The following GPD2 variants were observed in gnomAD, a reference collection of about 807,000 sequenced individuals.
GPD2 encodes glycerol-3-phosphate dehydrogenase 2, also known as glycerol-3-phosphate dehydrogenase, mitochondrial.
GPD2 carries 54 observed loss-of-function variants against 82.4 expected under a neutral mutation model. The observed-to-expected ratio is 0.66, with a 90% CI of 0.53 to 0.82. GPD2 has a LOEUF of 0.82. Ranked by LOEUF, GPD2 falls within the 40% of genes least tolerant of loss-of-function variation. GPD2 has a pLI of 0.00. For synonymous variants in GPD2, 288 were observed against 306.1 expected (o/e 0.94, Z 0.62); for missense variants, 748 against 896.2 (o/e 0.83, Z 2.11).
At position 156,558,962 on chromosome 2, in the gene GPD2, C is replaced by A. The variant is rs114428260; in HGVS notation, c.1165+1380C>A. ...CTTGTCTTTGCATGTTTATATTCAA[C>A]TACTCCCCATCCCTGCATTCTGTGG... On this transcript the variant is annotated intron_variant, in intron 9 of 16. Coordinates refer to ENST00000438166, the MANE Select transcript of GPD2 (RefSeq NM_000408.5). Among the ~76,000 whole-genome samples the A allele has an allele frequency of 4.0e-3, 604 of 151,898 alleles. 6 individuals are homozygous for A. The highest frequency in any genetic ancestry group is 0.014 in the African/African-American group (582 of 41,434).
chr2:156,497,478 A>T (rs1300883702), intron 3 of GPD2, among the ~76,000 whole-genome samples: 1 of 152,228 alleles, frequency 6.6e-6, no homozygotes, highest in East Asian at 1.9e-4. Flanking sequence ...TTTGGTTGCT[A>T]TATAAAGTTC....
intron 6 of GPD2, 145 bp downstream of exon 6, chr2:156,513,641 C>T: frequency 1.4e-6 from 1 of 692,902 alleles, no homozygotes; most frequent in Non-Finnish European, 2.5e-6. Flanking sequence ...ACATATTCAC[C>T]ATTTTCTCTA....
chr2:156,497,089 G>A (rs1008206508), intron 3 of GPD2, among the ~76,000 whole-genome samples: 4 of 152,190 alleles, frequency 2.6e-5, no homozygotes, highest in African/African-American at 9.6e-5. Context: ...TTGGCTGTGG[G>A]TATTAGCGTG....
chr2:156,520,569 T>A (rs910547564), intron 6 of GPD2, among the ~76,000 whole-genome samples: 1 of 35,206 alleles, frequency 2.8e-5, no homozygotes, highest in African/African-American at 9.9e-5. Flanking sequence ...TGTTATTTAT[T>A]TATTTATTTA....
chr2:156,560,272 T>G (rs1687120101), intron 9 of GPD2, among the ~76,000 whole-genome samples: 1 of 146,840 alleles, frequency 6.8e-6, no homozygotes, highest in African/African-American at 2.5e-5. Context: ...ATGTTCTACC[T>G]ATAAATACAT....
intron 8 of GPD2, among the ~76,000 whole-genome samples, chr2:156,551,685 A>C (rs1686764848): frequency 6.6e-6 from 1 of 152,204 alleles, no homozygotes. Flanking sequence ...ATAACCACAC[A>C]AGGGCATATT....
At position 156,558,525 on chromosome 2, in the gene GPD2, T is replaced by G. The variant is rs866127514; in HGVS notation, c.1165+943T>G. On this transcript the variant is annotated intron_variant, in intron 9 of 16. Coordinates refer to ENST00000438166, the MANE Select transcript of GPD2 (RefSeq NM_000408.5). ...TGATCATCACTTTTCTGCACAAATA[T>G]ACACTTTAGATATCTTCTCATTGAC... 2.0e-5 allele frequency among the ~76,000 whole-genome samples: 3 copies of G among 152,310 alleles called. 1 individual carries two copies. Among genetic ancestry groups the G allele is most frequent in the African/African-American group, 4.8e-5 (2 of 41,566 alleles).
chr2:156,425,650 T>C, the GPD2 span, among the ~76,000 whole-genome samples: 1 of 152,162 alleles, frequency 6.6e-6, no homozygotes. Context: ...AATTTCTGGT[T>C]TTCCTAGCTG....
Position 156,535,285 on chromosome 2 carries a change from G to GAGAGAA in GPD2, c.662-14317_662-14312dup, listed in dbSNP as rs1385404748. Among the ~76,000 whole-genome samples, 6 of 150,494 alleles carry GAGAGAA rather than the reference G, an allele frequency of 4.0e-5. No individual in the cohort carries two copies. In the East Asian group the frequency reaches 1.2e-3, roughly 29 times the overall value. On this transcript the variant is annotated intron_variant, in intron 6 of 16. Coordinates refer to ENST00000438166, the MANE Select transcript of GPD2 (RefSeq NM_000408.5). ...GAAGGAATCCCAGGTGAGAGAGAGA[G>GAGAGAA]AGAGAAAGAGAGAGAAAGAAAGAGA... is the stretch of plus-strand genomic sequence containing the variant.
chr2:156,444,925 A>G lies in GPD2; in HGVS notation c.-9+8412A>G, dbSNP rs74540193. Among the ~76,000 whole-genome samples the G allele has an allele frequency of 2.5e-4, 38 of 152,176 alleles. No homozygotes were observed. The East Asian group carries it at 6.4e-3, about 26-fold the overall frequency. ...CCACCATGCCTGGCTAATTTAAAAA[A>G]AATTCTTAGAGACAGTGTCTCACTA... On this transcript the variant is annotated intron_variant, in intron 1 of 16. Coordinates refer to ENST00000438166, the MANE Select transcript of GPD2 (RefSeq NM_000408.5).
chr2:156,520,672 C>T (rs1013998231), intron 6 of GPD2, among the ~76,000 whole-genome samples: 2 of 151,996 alleles, frequency 1.3e-5, no homozygotes, highest in African/African-American at 4.8e-5. Context: ...GCAACCTCCA[C>T]CTCCCGGGCT....
chr2:156,525,337 C>G (rs1475797667), intron 6 of GPD2, among the ~76,000 whole-genome samples: 1 of 152,182 alleles, frequency 6.6e-6, no homozygotes, highest in Non-Finnish European at 1.5e-5. Flanking sequence ...GTGCTGTTTG[C>G]TATGACAAGA....
At chr2:156,492,278 T>C (rs1684208915) in intron 2 of GPD2, among the ~76,000 whole-genome samples, 1 of 146,880 alleles carries the variant, frequency 6.8e-6, no homozygotes, top group South Asian at 2.3e-4. Flanking sequence ...CTCAGCCTCC[T>C]GAGTAGCTGG....
intron 1 of GPD2, among the ~76,000 whole-genome samples, chr2:156,441,223 T>C (rs1016121834): frequency 6.6e-6 from 1 of 152,180 alleles, no homozygotes; most frequent in Non-Finnish European, 1.5e-5. Context: ...GGCTGTTGAT[T>C]TGTGTCTTTT....
chr2:156,432,454 T>A (rs922070645), upstream of GPD2, among the ~76,000 whole-genome samples: 7 of 152,118 alleles, frequency 4.6e-5, no homozygotes, highest in African/African-American at 1.7e-4. Flanking sequence ...CATCTTTATG[T>A]CTGAGTGAAA....
At chr2:156,472,069 A>T (rs1344328520) in intron 1 of GPD2, among the ~76,000 whole-genome samples, 1 of 152,208 alleles carries the variant, frequency 6.6e-6, no homozygotes. Context: ...TCTATTTTTT[A>T]AAATTTTTTC....
At chr2:156,570,521 T>A (rs1437581266) in intron 12 of GPD2, among the ~76,000 whole-genome samples, 1 of 152,186 alleles carries the variant, frequency 6.6e-6, no homozygotes, top group Non-Finnish European at 1.5e-5. Flanking sequence ...CTCTTTAAGT[T>A]TGTACCACTC....
At chr2:156,466,867 C>T (rs1020673680) in intron 1 of GPD2, among the ~76,000 whole-genome samples, 9 of 152,192 alleles carry the variant, frequency 5.9e-5, no homozygotes, top group Non-Finnish European at 1.3e-4. Flanking sequence ...GCCCCTGAAA[C>T]TAGCTCAACT....
intron 6 of GPD2, among the ~76,000 whole-genome samples, chr2:156,541,921 AT>A (rs1281928710): frequency 7.0e-6 from 1 of 143,438 alleles, no homozygotes; most frequent in Non-Finnish European, 1.5e-5. Context: ...TGTGTGGAAC[AT>A]TTTTGTACAG....
Sources: allele counts gnomAD v4.1 joint callset (sites outside exome capture counted in the v4.1 genomes callset), GRCh38; gene constraint gnomAD v4.1.1; transcripts MANE v1.5; gene names NCBI Gene and HGNC (gene_info 2026-07-23, HGNC 2026-07-21).